Variants in DLC1 observed in about 807,000 individuals in gnomAD.
DLC1 encodes DLC1 Rho GTPase activating protein.
A neutral mutation model predicts 140.3 loss-of-function variants in DLC1; 54 were observed. The ratio of observed to expected loss-of-function variants is 0.38; its 90% CI spans 0.31 to 0.48. The LOEUF is 0.48. DLC1 is among the 20% of genes least tolerant of loss of function. DLC1 has a pLI of 0.96. For synonymous variants in DLC1, 986 were observed against 728.1 expected, an observed-to-expected ratio of 1.35 and a Z score of -5.70; for missense variants, 2,536 against 1,907.0, an observed-to-expected ratio of 1.33 and a Z score of -6.14.
chr8:13,153,648 GA>G (rs1051683577), intron 5 of DLC1, among the ~76,000 whole-genome samples: 18 of 152,132 alleles, frequency 1.2e-4, no homozygotes, highest in African/African-American at 4.3e-4. Context: ...CCCTGAGCTA[GA>G]CACAGAGTGC....
At chr8:13,131,400 G>A (rs1822064470) in intron 5 of DLC1, among the ~76,000 whole-genome samples, 1 of 152,168 alleles carries the variant, frequency 6.6e-6, no homozygotes. Flanking sequence ...GAGCTGCAAT[G>A]TTTTTTCCAA....
At chr8:13,219,358 T>C (rs1330119919) in intron 5 of DLC1, among the ~76,000 whole-genome samples, 1 of 144,464 alleles carries the variant, frequency 6.9e-6, no homozygotes, top group Non-Finnish European at 1.5e-5. Flanking sequence ...CATATAGTTA[T>C]ATAATTCATA....
intron 5 of DLC1, among the ~76,000 whole-genome samples, chr8:13,299,463 A>G (rs1832094006): frequency 1.3e-5 from 2 of 149,732 alleles, no homozygotes. Context: ...AAAGAAAAAA[A>G]AAAAAGCTCC....
At chr8:13,114,789 T>A (rs1015894866) in intron 6 of DLC1, among the ~76,000 whole-genome samples, 1 of 152,210 alleles carries the variant, frequency 6.6e-6, no homozygotes, top group African/African-American at 2.4e-5. Flanking sequence ...GAAATGGCAG[T>A]CAAAATCTCT....
intron 2 of DLC1, among the ~76,000 whole-genome samples, chr8:13,485,191 A>G (rs1040436277): frequency 2.6e-5 from 4 of 152,058 alleles, no homozygotes; most frequent in Non-Finnish European, 4.4e-5. Context: ...CACTTCTACT[A>G]TTTTCTCCTA....
chr8:13,531,198 G>A lies in DLC1; in HGVS notation c.-125-31002C>T, dbSNP rs149819334. ...AGTCTCAGAACTGTGAGAAATAAATGTCTGCCCTGGAAACCACCCAGTCTA... is the reference window on the plus strand; with the variant it reads ...AGTCTCAGAACTGTGAGAAATAAATATCTGCCCTGGAAACCACCCAGTCTA... On this transcript the variant is annotated intron_variant, in intron 1 of 1. Coordinates refer to the DLC1 transcript ENST00000631382. Among the ~76,000 whole-genome samples the A allele has an allele frequency of 2.8e-3, 430 of 152,250 alleles. 3 individuals are homozygous for A. Among genetic ancestry groups the A allele is most frequent in the African/African-American group, 0.01 (422 of 41,562 alleles).
chr8:13,229,371 T>C (rs1828942179), intron 5 of DLC1, among the ~76,000 whole-genome samples: 2 of 152,120 alleles, frequency 1.3e-5, no homozygotes, highest in South Asian at 4.1e-4. Flanking sequence ...TTATATAAAA[T>C]ATCTAGAATA....
At chr8:13,544,915 C>T (rs1053174188) in intron 1 of DLC1, among the ~76,000 whole-genome samples, 2 of 152,018 alleles carry the variant, frequency 1.3e-5, no homozygotes, top group Non-Finnish European at 2.9e-5. Context: ...ACTTAAGAGC[C>T]ACAGTGAGTA....
At chr8:13,158,440 C>A (rs1185539944) in intron 5 of DLC1, among the ~76,000 whole-genome samples, 3 of 152,128 alleles carry the variant, frequency 2.0e-5, no homozygotes, top group Non-Finnish European at 4.4e-5. Flanking sequence ...TACCTTGACC[C>A]TAACTTTGTG....
intron 12 of DLC1, 132 bp downstream of exon 12, chr8:13,094,627 C>A: frequency 1.8e-6 from 2 of 1,121,986 alleles, no homozygotes; most frequent in South Asian, 1.5e-5. Context: ...GGTCACGCCA[C>A]TGCACTCCAG....
rs1200694549 is a variant in DLC1, at chr8:13,566,842, C to T, written c.-126+37695G>A. ...ACTGCGCATGAGCGGCCCGCGTTGC[C>T]AAGACAGCTGGGAAGGCGTCTCCCG... On this transcript the variant is annotated intron_variant, in intron 1 of 1. Transcript: ENST00000631382. 3.7e-6 allele frequency: 4 copies of T among 1,084,348 alleles called. No individual in the cohort carries two copies. The Admixed American group carries it at 9.8e-5, about 27-fold the overall frequency. 67.2% of individuals were successfully genotyped at this position (1,084,348 alleles called of 1,614,324 possible).
chr8:13,164,027 T>C (rs1213061037), intron 5 of DLC1, among the ~76,000 whole-genome samples: 1 of 152,026 alleles, frequency 6.6e-6, no homozygotes, highest in Admixed American at 6.6e-5. Flanking sequence ...CCGGGCGTGG[T>C]GGCTCACACC....
chr8:13,430,447 T>C lies in DLC1; in HGVS notation c.1024-28828A>G, dbSNP rs541613750. 2.6e-3 allele frequency among the ~76,000 whole-genome samples: 394 copies of C among 152,342 alleles called. 2 individuals are homozygous for C. The highest frequency in any genetic ancestry group is 9.0e-3 in the African/African-American group (373 of 41,580). ...ACATGGTTATTGGAGACCTTTCATC[T>C]GTGATGGTTGTCAGGTGATGATTAC... On this transcript the variant is annotated intron_variant, in intron 2 of 17. Coordinates refer to ENST00000276297, the MANE Select transcript of DLC1 (RefSeq NM_182643.3).
chr8:13,446,115 A>C (rs1190241978), intron 2 of DLC1, among the ~76,000 whole-genome samples: 1 of 152,140 alleles, frequency 6.6e-6, no homozygotes, highest in East Asian at 1.9e-4. Flanking sequence ...AATCACATCA[A>C]GACAAAGAAC....
At chr8:13,518,102 T>TTTTTTGTTTTTG (rs56411512), upstream of DLC1, among the ~76,000 whole-genome samples, 940 of 149,490 alleles carry the variant, frequency 6.3e-3, 8 homozygotes, top group African/African-American at 0.021. Flanking sequence ...CACCTTTCTT[T>TTTTTTGTTTTTG]TTTTTGTTTT....
rs1820023461 is a variant in DLC1 at position 13,110,752 on chromosome 8, C to A, written c.1492G>T (p.Ala498Ser). ...AACGTGTCCATTTACCTGCATAGAG[C>A]CTCAATGGCATCTCTGTCCAAAAAA... is the stretch of plus-strand genomic sequence containing the variant. ...HDFLDRDAIE[A>S]LCRRLNTLNK... Residue 498 changes from alanine (A) to serine (S), a missense_variant, in exon 7 of 18, where the codon GCT becomes TCT. Transcript: ENST00000276297. 1.9e-6 allele frequency: 3 copies of A among 1,613,882 alleles called. No individual in the cohort carries two copies. The East Asian group carries it at 6.7e-5, about 36-fold the overall frequency.
chr8:13,148,393 T>C (rs1585771022), intron 5 of DLC1, among the ~76,000 whole-genome samples: 1 of 152,228 alleles, frequency 6.6e-6, no homozygotes. Context: ...TATTTGGTTT[T>C]CTGTTCCTGT....
At chr8:13,574,778 A>C (rs768946648) in intron 1 of DLC1, among the ~76,000 whole-genome samples, 2 of 152,204 alleles carry the variant, frequency 1.3e-5, no homozygotes, top group African/African-American at 4.8e-5. Flanking sequence ...AAGTCAGCTC[A>C]ATCCTGAACA....
upstream of DLC1, among the ~76,000 whole-genome samples, chr8:13,516,640 A>G (rs1252700995): frequency 6.6e-6 from 1 of 152,214 alleles, no homozygotes; most frequent in Non-Finnish European, 1.5e-5. Flanking sequence ...AAAAGTTTAG[A>G]TCAAAGTCTT....
Sources: allele counts gnomAD v4.1 joint callset (sites outside exome capture counted in the v4.1 genomes callset), GRCh38; gene constraint gnomAD v4.1.1; transcripts MANE v1.5; gene names NCBI Gene and HGNC (gene_info 2026-07-23, HGNC 2026-07-21).